SEPTIN5: variants seen among roughly 807,000 people sequenced by gnomAD.
SEPTIN5 encodes the protein septin-5.
Under a neutral mutation model 51.2 loss-of-function variants are expected in SEPTIN5, and 16 were observed. The ratio of observed to expected loss-of-function variants is 0.31; its 90% CI spans 0.21 to 0.47. The LOEUF is 0.47. SEPTIN5 is among the 20% of genes least tolerant of loss of function. The pLI, the probability that SEPTIN5 is intolerant of heterozygous loss-of-function variation, is 0.99. For missense variants in SEPTIN5, 376 were observed against 500.3 expected (o/e 0.75, Z 2.37); for synonymous variants, 208 against 191.2 (o/e 1.09, Z -0.72).
intron 2 of SEPTIN5, chr22:19,718,312 C>T (rs1449859018): frequency 1.2e-5 from 10 of 804,536 alleles, no homozygotes; most frequent in Admixed American, 6.2e-5. Flanking sequence ...GACCGCGCCT[C>T]GGCTCAGCCC....
At position 19,722,399 on chromosome 22, in the gene SEPTIN5, C is replaced by T. The variant is rs112507295; in HGVS notation, c.1054-29C>T. 126 of 1,593,912 alleles carry T rather than the reference C, an allele frequency of 7.9e-5. No homozygotes were observed. The African/African-American group carries it at 1.2e-3, about 15-fold the overall frequency. On this transcript the variant is annotated intron_variant, in intron 11 of 11. Transcript: ENST00000455784. ...TCAGGGATGCTCCTCCGCGGTGCTG[C>T]TCACCCGCCGGGTTGTCTCCGCCCG...
At chr22:19,722,375 C>T in intron 11 of SEPTIN5, 36 bp downstream of exon 11, 1 of 1,595,530 alleles carries the variant, frequency 6.3e-7, no homozygotes. Context: ...AGGCGGGCGT[C>T]AGGGATGCTC....
At chr22:19,718,699 G>T in intron 2 of SEPTIN5, 1 of 1,265,248 alleles carries the variant, frequency 7.9e-7, no homozygotes, top group South Asian at 3.6e-5. Flanking sequence ...ACCGGGCCTG[G>T]GGTCCGAGCG....
intron 2 of SEPTIN5, among the ~76,000 whole-genome samples, chr22:19,716,594 G>A (rs964586685): frequency 3.3e-5 from 5 of 152,204 alleles, no homozygotes; most frequent in Non-Finnish European, 7.4e-5. Flanking sequence ...TGGCAGGTAC[G>A]GCCCCTTCCT....
In SEPTIN5 at chr22:19,722,304, G is replaced by A. The variant is rs1007110913; in HGVS notation, c.1018G>A (p.Glu340Lys). Reference protein sequence around the residue: ...PILPLPTPDAETEKLIRMKDE... With the variant: ...PILPLPTPDAKTEKLIRMKDE... ...CCTGCCGCTGCCCACCCCGGACGCC[G>A]AGACTGAGAAGCTTATCAGGATGAA... The change falls in exon 11 of 12, where the codon GAG (glutamate) becomes AAG (lysine). Residue 340 changes from glutamate to lysine, a missense_variant. Coordinates refer to ENST00000455784, the MANE Select transcript of SEPTIN5 (RefSeq NM_002688.6). 1.2e-6 allele frequency: 2 copies of A among 1,611,302 alleles called. No homozygotes were observed. The highest frequency in any genetic ancestry group is 1.3e-5 in the African/African-American group (1 of 74,858).
chr22:19,718,908 C>G (rs1935964136), intron 2 of SEPTIN5: 1 of 1,188,820 alleles, frequency 8.4e-7, no homozygotes, highest in Non-Finnish European at 1.0e-6. Flanking sequence ...CGCCACGGCC[C>G]GCCAGCGCCT....
In SEPTIN5 at chr22:19,722,558, C is replaced by G. The variant is rs1020186806; in HGVS notation, c.*74C>G. 2.0e-6 allele frequency: 3 copies of G among 1,481,030 alleles called. No individual in the cohort carries two copies. Among genetic ancestry groups the G allele is most frequent in the Non-Finnish European group, 2.8e-6 (3 of 1,087,374 alleles). 91.7% of individuals were successfully genotyped at this position (1,481,030 alleles called of 1,614,324 possible). ...GGACACCAGACCGGACTGTTCCCGA[C>G]CCGGAGACGCGGGGCCACAGCCCCC... On this transcript the variant is annotated 3_prime_UTR_variant, in exon 12 of 12. Transcript: ENST00000455784.
At position 19,714,727 on chromosome 22, in the gene SEPTIN5, G is replaced by GCCCGGACCCGCTCGGAACCGGA; in HGVS notation, c.44-46_44-25dup. The GCCCGGACCCGCTCGGAACCGGA allele has an allele frequency of 3.2e-6, 5 of 1,565,466 alleles. No homozygotes were observed. Among genetic ancestry groups the GCCCGGACCCGCTCGGAACCGGA allele is most frequent in the Non-Finnish European group, 4.3e-6 (5 of 1,162,890 alleles). On this transcript the variant is annotated intron_variant, in intron 1 of 11. Coordinates refer to ENST00000455784, the MANE Select transcript of SEPTIN5 (RefSeq NM_002688.6). The surrounding 1 kb of genome is among the most constrained non-coding windows in gnomAD (Gnocchi z 5.2). ...CTCTCCGTCTCTCCCCCGCCCGCCG[G>GCCCGGACCCGCTCGGAACCGGA]CCCGGACCCGCTCGGAACCGGACCC...
Position 19,714,797 on chromosome 22 carries a change from T to A in SEPTIN5, c.54+6T>A. 6.4e-7 allele frequency: 1 copy of A among 1,566,382 alleles called. No individual in the cohort carries two copies. Among genetic ancestry groups the A allele is most frequent in the Non-Finnish European group, 8.6e-7 (1 of 1,162,678 alleles). ...ACCCCGCAGAGGACAAGCAGGTACG[T>A]GCGCAGCGCCGCTCCCCCGCCGGGA... is the stretch of plus-strand genomic sequence containing the variant. On this transcript the variant is annotated splice_donor_region_variant and intron_variant, in intron 2 of 11. Coordinates refer to ENST00000455784, the MANE Select transcript of SEPTIN5 (RefSeq NM_002688.6). This position sits in a 1 kb window ranked among gnomAD's most constrained non-coding sequence, Gnocchi z 5.2.
At position 19,722,224 on chromosome 22, in the gene SEPTIN5, C is replaced by T. The variant is rs371548235; in HGVS notation, c.951-13C>T. On this transcript the variant is annotated splice_polypyrimidine_tract_variant and intron_variant, in intron 10 of 11. Transcript: ENST00000455784. ...GGCGCCGCCCCGCCCATCCTCCCCCCCGCCCCGCGCAGCAAACTGACCCAG... is the reference window on the plus strand; with the variant it reads ...GGCGCCGCCCCGCCCATCCTCCCCCTCGCCCCGCGCAGCAAACTGACCCAG... The T allele has an allele frequency of 2.6e-6, 4 of 1,565,508 alleles. No homozygotes were observed. The highest frequency in any genetic ancestry group is 3.5e-6 in the Non-Finnish European group (4 of 1,151,202).
In SEPTIN5 at chr22:19,720,127, A is replaced by G. The variant is rs1056417494; in HGVS notation, c.251A>G (p.Gln84Arg). The change falls in exon 5 of 12, where the codon CAG (glutamine) becomes CGG (arginine). Residue 84 changes from glutamine to arginine, a missense_variant. Physicochemically the swap from Gln to Arg is conservative, Grantham distance 43. This residue lies in a region of SEPTIN5 where 287 missense variants were observed against 417.1 expected (regional missense o/e 0.69). Transcript: ENST00000455784. ...CCCTTCCCCGTAGAGCGCATCAGCC[A>G]GACGGTAGAGATTCTAAAACACACG... ...KLLSAEERIS[Q>R]TVEILKHTVD... The G allele has an allele frequency of 3.1e-6, 5 of 1,613,182 alleles. No homozygotes were observed. The highest frequency in any genetic ancestry group is 4.2e-6 in the Non-Finnish European group (5 of 1,180,002).
At chr22:19,715,229 C>G (rs1935896700) in intron 2 of SEPTIN5, among the ~76,000 whole-genome samples, 1 of 152,262 alleles carries the variant, frequency 6.6e-6, no homozygotes, top group Admixed American at 6.5e-5. Flanking sequence ...CCCACCTCCC[C>G]TGCACCTTCA....
In SEPTIN5 at chr22:19,714,880, C is replaced by T; in HGVS notation, c.54+89C>T. The T allele has an allele frequency of 6.9e-7, 1 of 1,455,824 alleles. No homozygotes were observed. The highest frequency in any genetic ancestry group is 9.2e-7 in the Non-Finnish European group (1 of 1,081,966). The allele number at this position is 1,455,824 out of a possible 1,614,324, so 90.2% of individuals were successfully genotyped here. On this transcript the variant is annotated intron_variant, in intron 2 of 11. Transcript: ENST00000455784. This position sits in a 1 kb window ranked among gnomAD's most constrained non-coding sequence, Gnocchi z 5.2. ...GCGCCTTGGGCGCCCAGGCGCGACC[C>T]CGCCCCCGCCGGCCCTCACCCAGCC...
rs1181890234 is a variant in SEPTIN5, at chr22:19,722,496, GAC to G, written c.*17_*18del. The stretch of plus-strand genomic sequence containing the variant: ...TGCAGGACCAGTGACGCTCGCCGCG[GAC>G]ACACCGTCCGTCTCCGGGACGCCCT... On this transcript the variant is annotated 3_prime_UTR_variant, in exon 12 of 12. Transcript: ENST00000455784. 6.3e-7 allele frequency: 1 copy of G among 1,586,826 alleles called. No homozygotes were observed. Among genetic ancestry groups the G allele is most frequent in the Admixed American group, 1.7e-5 (1 of 57,158 alleles).
intron 2 of SEPTIN5, chr22:19,718,856 C>A: frequency 8.1e-7 from 1 of 1,232,050 alleles, no homozygotes; most frequent in Non-Finnish European, 1.0e-6. Flanking sequence ...GGTCTGTGAC[C>A]CCGCGGGCTC....
At position 19,714,885 on chromosome 22, in the gene SEPTIN5, C is replaced by T; in HGVS notation, c.54+94C>T. 1 of 1,438,814 alleles carries T rather than the reference C, an allele frequency of 7.0e-7. No individual in the cohort carries two copies. The highest frequency in any genetic ancestry group is 9.4e-7 in the Non-Finnish European group (1 of 1,068,458). The allele number at this position is 1,438,814 out of a possible 1,614,324, so 89.1% of individuals were successfully genotyped here. On this transcript the variant is annotated intron_variant, in intron 2 of 11. Coordinates refer to ENST00000455784, the MANE Select transcript of SEPTIN5 (RefSeq NM_002688.6). This position sits in a 1 kb window ranked among gnomAD's most constrained non-coding sequence, Gnocchi z 5.2. ...TTGGGCGCCCAGGCGCGACCCCGCCCCCGCCGGCCCTCACCCAGCCCTGTC... is the reference window on the plus strand; with the variant it reads ...TTGGGCGCCCAGGCGCGACCCCGCCTCCGCCGGCCCTCACCCAGCCCTGTC...
At chr22:19,719,511 GCTGTCTC>G in intron 2 of SEPTIN5, 84 bp from the exon 3 acceptor site, 1 of 1,038,580 alleles carries the variant, frequency 9.6e-7, no homozygotes, top group Non-Finnish European at 1.4e-6. Context: ...CGTACCCTCT[GCTGTCTC>G]CTCATACCGC....
chr22:19,719,560 G>C, intron 2 of SEPTIN5, 42 bp from the exon 3 acceptor site: 1 of 1,537,546 alleles, frequency 6.5e-7, no homozygotes, highest in Admixed American at 1.7e-5. Context: ...TGGGCTTCTG[G>C]AGAAACCTTT....
chr22:19,717,592 C>G lies in SEPTIN5; in HGVS notation c.55-2010C>G, dbSNP rs117644076. 3.2e-3 allele frequency: 990 copies of G among 310,882 alleles called. 13 individuals carry two copies. The highest frequency in any genetic ancestry group is 0.02 in the South Asian group (853 of 41,708). 19.3% of individuals were successfully genotyped at this position (310,882 alleles called of 1,614,324 possible). On this transcript the variant is annotated intron_variant, in intron 2 of 11. Transcript: ENST00000455784. ...GGCCGGCGTTTATTCAGCAGGCTGG[C>G]GGGGGCTTCCAAGTTTTGCAGGGAC...
Sources: allele counts gnomAD v4.1 joint callset (sites outside exome capture counted in the v4.1 genomes callset), GRCh38; gene constraint gnomAD v4.1.1; regional missense constraint gnomAD v4.1.1; non-coding constraint Gnocchi (gnomAD v3.1); transcripts MANE v1.5; gene names NCBI Gene and HGNC (gene_info 2026-07-23, HGNC 2026-07-21).